Variants in ORC5 observed in about 807,000 individuals in gnomAD.
ORC5 encodes origin recognition complex subunit 5, also known as protein phosphatase 1, regulatory subunit 117.
Under a neutral mutation model 58.8 loss-of-function variants are expected in ORC5, and 39 were observed. The observed-to-expected ratio is 0.66, with a 90% CI of 0.51 to 0.87. The LOEUF (loss-of-function observed/expected upper bound fraction) is 0.87, where lower values mean the gene tolerates loss of function less well. ORC5 is among the 40% of genes least tolerant of loss of function. The pLI, the probability that ORC5 is intolerant of heterozygous loss-of-function variation, is 0.00. For missense variants in ORC5, 493 were observed against 506.3 expected (o/e 0.97, Z 0.25); for synonymous variants, 218 against 177.6 (o/e 1.23, Z -1.81).
At chr7:104,159,208 T>G (rs898126462) in intron 12 of ORC5, among the ~76,000 whole-genome samples, 2 of 149,984 alleles carry the variant, frequency 1.3e-5, no homozygotes, top group African/African-American at 5.0e-5. Context: ...ATCATCATTC[T>G]CAGTAAACTA....
chr7:104,178,332 C>A (rs12705185), intron 8 of ORC5, among the ~76,000 whole-genome samples: 1 of 151,966 alleles, frequency 6.6e-6, no homozygotes, highest in African/African-American at 2.4e-5. Flanking sequence ...GATGAGCTTT[C>A]TTCATGTTTG....
intron 8 of ORC5, among the ~76,000 whole-genome samples, chr7:104,173,603 T>C (rs1413951815): frequency 6.6e-6 from 1 of 152,214 alleles, no homozygotes; most frequent in African/African-American, 2.4e-5. Context: ...CCTGAATTCA[T>C]TCAGGATCTC....
intron 6 of ORC5, among the ~76,000 whole-genome samples, chr7:104,186,602 T>C (rs1026596075): frequency 1.3e-5 from 2 of 152,132 alleles, no homozygotes; most frequent in African/African-American, 4.8e-5. Context: ...TATCAATTCA[T>C]AAAGCATCTT....
At chr7:104,169,383 A>T (rs1799168971) in intron 8 of ORC5, among the ~76,000 whole-genome samples, 1 of 152,176 alleles carries the variant, frequency 6.6e-6, no homozygotes, top group Non-Finnish European at 1.5e-5. Flanking sequence ...CAACCAAAAC[A>T]CTATTAAGAA....
chr7:104,132,819 C>T (rs1046073229), intron 13 of ORC5, among the ~76,000 whole-genome samples: 1 of 151,590 alleles, frequency 6.6e-6, no homozygotes, highest in African/African-American at 2.4e-5. Context: ...ACTTCCAAAT[C>T]GTGTGTGTGT....
At position 104,161,185 on chromosome 7, in the gene ORC5, G is replaced by A; in HGVS notation, c.1039-3C>T. ...GGCCCAAGGAGATGATTGCTTGTCT[G>A]TAAAAAACAAAACAAAAACATGGAT... On this transcript the variant is annotated splice_polypyrimidine_tract_variant and splice_region_variant and intron_variant, in intron 11 of 13. Coordinates refer to ENST00000297431, the MANE Select transcript of ORC5 (RefSeq NM_002553.4). 6.6e-7 allele frequency: 1 copy of A among 1,523,846 alleles called. No individual in the cohort carries two copies. 94.4% of individuals were successfully genotyped at this position (1,523,846 alleles called of 1,614,324 possible).
chr7:104,202,536 T>C (rs1291708356), intron 2 of ORC5: 1 of 456,568 alleles, frequency 2.2e-6, no homozygotes, highest in Non-Finnish European at 4.4e-6. Flanking sequence ...TAAGTGCCTG[T>C]CTGAGTCCCT....
At chr7:104,199,338 C>T (rs1584524832) in intron 3 of ORC5, among the ~76,000 whole-genome samples, 1 of 152,220 alleles carries the variant, frequency 6.6e-6, no homozygotes, top group African/African-American at 2.4e-5. Flanking sequence ...CGCAAAGCCA[C>T]AGAGGTGGAG....
chr7:104,189,158 G>C (rs78287382), intron 5 of ORC5, among the ~76,000 whole-genome samples: 6,761 of 152,006 alleles, frequency 0.044, 498 homozygotes, highest in African/African-American at 0.15. Context: ...GCCCTGTATT[G>C]TCACATACAC....
chr7:104,141,030 G>A (rs778109902), intron 12 of ORC5, among the ~76,000 whole-genome samples: 4 of 152,206 alleles, frequency 2.6e-5, no homozygotes, highest in Non-Finnish European at 2.9e-5. Context: ...CACCTGACTA[G>A]GAATTAAATC....
chr7:104,199,681 C>T (rs1245154881), intron 3 of ORC5, among the ~76,000 whole-genome samples: 2 of 152,144 alleles, frequency 1.3e-5, no homozygotes, highest in Non-Finnish European at 2.9e-5. Flanking sequence ...AAGGGACTTG[C>T]CTTATCTCAG....
intron 12 of ORC5, among the ~76,000 whole-genome samples, chr7:104,145,431 GA>G (rs907487222): frequency 3.3e-5 from 5 of 151,400 alleles, no homozygotes; most frequent in African/African-American, 9.7e-5. Flanking sequence ...ATCTCTGTTG[GA>G]AAAAAAAGCT....
chr7:104,204,660 C>T (rs1800030860), intron 1 of ORC5, among the ~76,000 whole-genome samples: 1 of 152,066 alleles, frequency 6.6e-6, no homozygotes, highest in Admixed American at 6.6e-5. Context: ...AAATAAAGTA[C>T]ATATAATCAA....
chr7:104,187,584 T>G (rs754282425), intron 6 of ORC5: 51 of 210,460 alleles, frequency 2.4e-4, no homozygotes, highest in Non-Finnish European at 3.9e-4. Flanking sequence ...TAATTGAAGA[T>G]TTCTAAAAGG....
chr7:104,193,019 C>CA (rs1171883323), intron 5 of ORC5, among the ~76,000 whole-genome samples: 5 of 151,634 alleles, frequency 3.3e-5, no homozygotes, highest in African/African-American at 9.7e-5. Context: ...CAATCCCACA[C>CA]AAAAAAGATA....
At chr7:104,177,442 T>A (rs1437475789) in intron 8 of ORC5, among the ~76,000 whole-genome samples, 1 of 152,210 alleles carries the variant, frequency 6.6e-6, no homozygotes, top group Non-Finnish European at 1.5e-5. Flanking sequence ...CAAAATTTCT[T>A]GCTTCCTAGG....
chr7:104,134,149 C>T (rs929394677), intron 13 of ORC5, among the ~76,000 whole-genome samples: 26 of 151,970 alleles, frequency 1.7e-4, no homozygotes, highest in Non-Finnish European at 2.2e-4. Flanking sequence ...AGGCTGGGCG[C>T]GGTGGCTCAC....
chr7:104,191,434 A>C (rs1799674303), intron 5 of ORC5, among the ~76,000 whole-genome samples: 1 of 152,092 alleles, frequency 6.6e-6, no homozygotes, highest in Non-Finnish European at 1.5e-5. Context: ...AATCTGGAAA[A>C]CAGTTGAGTC....
At chr7:104,144,553 C>T (rs893488943) in intron 12 of ORC5, among the ~76,000 whole-genome samples, 7 of 152,044 alleles carry the variant, frequency 4.6e-5, no homozygotes, top group Admixed American at 1.3e-4. Context: ...GTCAGGAGTT[C>T]GAGACAGGCC....
Sources: gnomAD v4.1 joint callset for allele counts (sites outside exome capture counted in the v4.1 genomes callset) on GRCh38, gnomAD v4.1.1 for gene constraint, MANE v1.5 for transcripts, NCBI Gene and HGNC (gene_info 2026-07-23, HGNC 2026-07-21) for gene names.